The following GKN1 variants were observed in gnomAD, a reference collection of about 807,000 sequenced individuals.
GKN1 encodes the protein gastrokine-1.
GKN1 carries 17 observed loss-of-function variants against 19.7 expected under a neutral mutation model. The ratio of observed to expected loss-of-function variants is 0.86; its 90% CI spans 0.59 to 1.29. GKN1 has a LOEUF of 1.29. Among genes scored for constraint, GKN1 ranks in the 50% most tolerant of loss-of-function variants. The probability of loss-of-function intolerance (pLI) is 0.00; values close to 1 mark genes in which losing one functional copy is unlikely to be tolerated. For missense variants in GKN1, 218 were observed against 224.5 expected, an observed-to-expected ratio of 0.97 and a Z score of 0.19; for synonymous variants, 96 against 78.3, an observed-to-expected ratio of 1.23 and a Z score of -1.20.
chr2:68,977,907 G>A (rs1455200784), intron 3 of GKN1, 133 bp downstream of exon 3: 2 of 738,240 alleles, frequency 2.7e-6, no homozygotes, highest in East Asian at 2.7e-5. Context: ...TATAAGTAAA[G>A]GTGACCATTT....
rs762276565 is a variant in GKN1 at position 68,980,011 on chromosome 2, T to G, written c.414T>G (p.Ile138Met). ...VDDLSKFGKN[I>M]ANMCRGIPTY... ...ACCTGAGCAAGTTCGGAAAAAACAT[T>G]GCAAACATGTGTCGTGGGATTCCAA... is the stretch of plus-strand genomic sequence containing the variant. Residue 138 changes from isoleucine (I) to methionine (M), a missense_variant, in exon 5 of 6, where the codon ATT becomes ATG. Ile to Met is a conservative substitution (Grantham distance 10, BLOSUM62 1). Coordinates refer to ENST00000377938, the MANE Select transcript of GKN1 (RefSeq NM_019617.4). The G allele has an allele frequency of 6.2e-7, 1 of 1,613,892 alleles. No homozygotes were observed. Among genetic ancestry groups the G allele is most frequent in the African/African-American group, 1.3e-5 (1 of 74,916 alleles).
intron 4 of GKN1, among the ~76,000 whole-genome samples, chr2:68,979,585 A>G (rs1670328410): frequency 6.6e-6 from 1 of 152,190 alleles, no homozygotes; most frequent in Non-Finnish European, 1.5e-5. Flanking sequence ...AAATAAATAA[A>G]CTGCATTCTC....
In GKN1 at chr2:68,977,554, T is replaced by G. The variant is rs374143649; in HGVS notation, c.66+6T>G. Reference sequence around the variant, plus strand: ...CTCCTGCCCTAGCTAACTATGTAAGTCTCACCTTTTCAAGTTTGCTACCAA... The same window carrying G: ...CTCCTGCCCTAGCTAACTATGTAAGGCTCACCTTTTCAAGTTTGCTACCAA... On this transcript the variant is annotated splice_donor_region_variant and intron_variant, in intron 2 of 5. Coordinates refer to ENST00000377938, the MANE Select transcript of GKN1 (RefSeq NM_019617.4). The G allele has an allele frequency of 1.2e-5, 19 of 1,606,740 alleles. No individual in the cohort carries two copies. The highest frequency in any genetic ancestry group is 1.5e-5 in the Non-Finnish European group (18 of 1,173,568).
At chr2:68,977,248 G>A (rs990202973) in intron 1 of GKN1, among the ~76,000 whole-genome samples, 2 of 151,998 alleles carry the variant, frequency 1.3e-5, no homozygotes, top group African/African-American at 4.8e-5. Flanking sequence ...GTTTCATAAG[G>A]CCTACACTAA....
chr2:68,977,988 C>T, intron 3 of GKN1: 1 of 553,254 alleles, frequency 1.8e-6, no homozygotes, highest in South Asian at 2.2e-5. Context: ...AAAATTCAAA[C>T]CAACAAACAC....
chr2:68,977,534 G>A lies in GKN1; in HGVS notation c.52G>A (p.Ala18Thr). Residue 18 changes from alanine to threonine, a missense_variant, in exon 2 of 6, where the codon GCC (alanine) becomes ACC (threonine). By Grantham distance (58) the Ala-to-Thr change is moderately conservative (BLOSUM62 0). Transcript: ENST00000377938. ...AGLLGVFLAP[A>T]LANYNINVND... ...ACTTCTTGGAGTCTTTCTAGCTCCT[G>A]CCCTAGCTAACTATGTAAGTCTCAC... The A allele has an allele frequency of 6.2e-7, 1 of 1,610,946 alleles. No homozygotes were observed. Among genetic ancestry groups the A allele is most frequent in the Non-Finnish European group, 8.5e-7 (1 of 1,177,304 alleles).
chr2:68,977,533 T>G lies in GKN1; in HGVS notation c.51T>G (p.Pro17=). The change falls in exon 2 of 6, where the codon CCT becomes CCG. Residue 17 remains proline (P), a synonymous_variant. Transcript: ENST00000377938. Reference sequence around the variant, plus strand: ...GACTTCTTGGAGTCTTTCTAGCTCCTGCCCTAGCTAACTATGTAAGTCTCA... The same window carrying G: ...GACTTCTTGGAGTCTTTCTAGCTCCGGCCCTAGCTAACTATGTAAGTCTCA... ...FAGLLGVFLA[P]ALANYNINVN... is the part of the protein sequence containing the mutation. The G allele has an allele frequency of 6.2e-7, 1 of 1,611,068 alleles. No homozygotes were observed. The highest frequency in any genetic ancestry group is 8.5e-7 in the Non-Finnish European group (1 of 1,177,360).
chr2:68,974,849 C>G (rs903776530), intron 1 of GKN1, among the ~76,000 whole-genome samples, 160 bp downstream of exon 1: 1 of 151,992 alleles, frequency 6.6e-6, no homozygotes, highest in African/African-American at 2.4e-5. Context: ...ACAACACACA[C>G]TAGGTCCTGT....
At chr2:68,977,276 A>G (rs921393707) in intron 1 of GKN1, among the ~76,000 whole-genome samples, 4 of 152,202 alleles carry the variant, frequency 2.6e-5, no homozygotes, top group African/African-American at 9.7e-5. Flanking sequence ...AAAACTATAT[A>G]TCACATTAAT....
rs776171068 is a variant in GKN1 at position 68,978,927 on chromosome 2, C to T, written c.261C>T (p.Asn87=). The T allele has an allele frequency of 4.3e-6, 7 of 1,610,310 alleles. No individual in the cohort carries two copies. The South Asian group carries it at 4.4e-5, about 10-fold the overall frequency. ...QKKTCIVHKM[N]KEVMPSIQSL... is the part of the protein sequence containing the mutation. ...AGACATGCATTGTGCACAAAATGAACAAGGAAGTCATGCCCTCCATTCAAT... is the reference window on the plus strand; with the variant it reads ...AGACATGCATTGTGCACAAAATGAATAAGGAAGTCATGCCCTCCATTCAAT... Residue 87 remains asparagine, a synonymous_variant, in exon 4 of 6, where the codon AAC becomes AAT. Transcript: ENST00000377938.
chr2:68,977,027 T>C (rs1051354666), intron 1 of GKN1, among the ~76,000 whole-genome samples: 2 of 152,224 alleles, frequency 1.3e-5, no homozygotes, highest in Admixed American at 6.5e-5. Context: ...TCCAGAAGTA[T>C]TATCTTAGCA....
chr2:68,980,658 C>T, intron 5 of GKN1, 71 bp from the exon 6 acceptor site: 1 of 801,562 alleles, frequency 1.2e-6, no homozygotes, highest in Admixed American at 1.9e-5. Flanking sequence ...AACCCCTACT[C>T]CCCCAATCCC....
intron 5 of GKN1, 69 bp downstream of exon 5, chr2:68,980,129 T>C: frequency 5.9e-6 from 8 of 1,349,130 alleles, no homozygotes; most frequent in Non-Finnish European, 7.4e-6. Context: ...CTCGCGCGTG[T>C]CCATAGTGGG....
chr2:68,978,259 A>AGAAAGAAGGAAGGAAGGAAGGAAG (rs796404147), intron 3 of GKN1: 11 of 125,052 alleles, frequency 8.8e-5, no homozygotes, highest in African/African-American at 4.0e-4. Flanking sequence ...AAAGAAAGAA[A>AGAAAGAAGGAAGGAAGGAAGGAAG]GAAGGAAGGA....
In GKN1 at chr2:68,979,970, CCAAA is replaced by C. The variant is rs749816124; in HGVS notation, c.378_381del (p.Asn126LysfsTer5). ...CAAGGGCCTGATGTACTCAGTCAACCCAAACAAAGTCGATGACCTGAGCAAGTTC... is the reference window on the plus strand; with the variant it reads ...CAAGGGCCTGATGTACTCAGTCAACCCAAAGTCGATGACCTGAGCAAGTTC... On this transcript the variant is annotated frameshift_variant, in exon 5 of 6. Coordinates refer to ENST00000377938, the MANE Select transcript of GKN1 (RefSeq NM_019617.4). LOFTEE classifies it high-confidence loss of function. The C allele has an allele frequency of 3.3e-5, 54 of 1,613,280 alleles. No homozygotes were observed. The highest frequency in any genetic ancestry group is 3.0e-4 in the South Asian group (27 of 91,070).
intron 3 of GKN1, 177 bp downstream of exon 3, chr2:68,977,951 C>G (rs1384573817): frequency 1.7e-6 from 1 of 598,024 alleles, no homozygotes; most frequent in African/African-American, 1.9e-5. Flanking sequence ...GAGATAACTA[C>G]TGTTAATAAG....
At chr2:68,980,081 G>A (rs201287942) in intron 5 of GKN1, 21 bp downstream of exon 5, 3 of 1,606,466 alleles carry the variant, frequency 1.9e-6, no homozygotes, top group South Asian at 1.1e-5. Flanking sequence ...TCCCTACTGT[G>A]CACCCCAAGT....
At chr2:68,980,102 G>T in intron 5 of GKN1, 42 bp downstream of exon 5, 1 of 1,577,242 alleles carries the variant, frequency 6.3e-7, no homozygotes. Context: ...TAGTGCTGGT[G>T]GGATTGTCAG....
At chr2:68,975,844 C>T (rs1430035790) in intron 1 of GKN1, among the ~76,000 whole-genome samples, 1 of 152,112 alleles carries the variant, frequency 6.6e-6, no homozygotes, top group Non-Finnish European at 1.5e-5. Flanking sequence ...TAATTTTTAA[C>T]TCCTTTTTAA....
Sources: allele counts gnomAD v4.1 joint callset (sites outside exome capture counted in the v4.1 genomes callset), GRCh38; gene constraint gnomAD v4.1.1; transcripts MANE v1.5; gene names NCBI Gene and HGNC (gene_info 2026-07-23, HGNC 2026-07-21).